The following CALN1 variants were observed in gnomAD, a reference collection of about 807,000 sequenced individuals.
The protein encoded by CALN1 is calcium-binding protein 8.
In CALN1, 17 loss-of-function variants were observed where a neutral mutation model predicts 30.6. The observed-to-expected ratio is 0.56, with a 90% confidence interval of 0.38 to 0.83. The LOEUF (loss-of-function observed/expected upper bound fraction) is 0.83, where lower values mean the gene tolerates loss of function less well. CALN1 is among the 40% of genes least tolerant of loss of function. The probability of loss-of-function intolerance (pLI) is 0.00; values close to 1 mark genes in which losing one functional copy is unlikely to be tolerated. For synonymous variants in CALN1, 156 were observed against 131.4 expected, an observed-to-expected ratio of 1.19 and a Z score of -1.28; for missense variants, 291 against 354.9, an observed-to-expected ratio of 0.82 and a Z score of 1.45.
At chr7:72,144,190 A>G (rs1457673607) in intron 3 of CALN1, among the ~76,000 whole-genome samples, 1 of 152,194 alleles carries the variant, frequency 6.6e-6, no homozygotes, top group Non-Finnish European at 1.5e-5. Flanking sequence ...CAAATTGGAT[A>G]AAGAGTCAAG....
chr7:72,405,430 G>A (rs1316180035), intron 1 of CALN1, among the ~76,000 whole-genome samples: 1 of 152,134 alleles, frequency 6.6e-6, no homozygotes, highest in African/African-American at 2.4e-5. Context: ...GGAAGGCAAA[G>A]GGCAAACAGG....
At chr7:71,907,788 G>A (rs897024645) in intron 5 of CALN1, among the ~76,000 whole-genome samples, 1 of 152,130 alleles carries the variant, frequency 6.6e-6, no homozygotes, top group Non-Finnish European at 1.5e-5. Context: ...TTCCCATTAC[G>A]CAGCTGGTAT....
At chr7:71,991,383 C>T (rs1798943719) in intron 5 of CALN1, among the ~76,000 whole-genome samples, 1 of 151,688 alleles carries the variant, frequency 6.6e-6, no homozygotes, top group South Asian at 2.1e-4. Flanking sequence ...CACTTGAACC[C>T]AGGAGGCAGA....
chr7:71,836,764 C>A (rs920569969), intron 5 of CALN1, among the ~76,000 whole-genome samples: 1 of 151,700 alleles, frequency 6.6e-6, no homozygotes, highest in Admixed American at 6.6e-5. Flanking sequence ...CTTACAGGCA[C>A]CCAACACCAC....
rs75350467 is a variant in CALN1, at chr7:72,399,981, C to T, written c.119+3270G>A. Among the ~76,000 whole-genome samples the T allele has an allele frequency of 2.4e-3, 371 of 152,302 alleles. 11 individuals are homozygous for T. The East Asian group carries it at 0.055, about 22-fold the overall frequency. On this transcript the variant is annotated intron_variant, in intron 2 of 6. Coordinates refer to ENST00000395275, the MANE Select transcript of CALN1 (RefSeq NM_031468.4). ...TCTCCATATGACATGCCTGCTCCCC[C>T]TTTGCGTTCCACTATGATTAGAACC...
At chr7:72,340,251 T>C (rs867433486) in intron 2 of CALN1, among the ~76,000 whole-genome samples, 5 of 152,152 alleles carry the variant, frequency 3.3e-5, no homozygotes, top group African/African-American at 9.7e-5. Context: ...ACTTATGACA[T>C]TTGTAGAGAT....
intron 3 of CALN1, among the ~76,000 whole-genome samples, chr7:72,231,285 A>G (rs981138078): frequency 2.0e-5 from 3 of 151,990 alleles, no homozygotes; most frequent in African/African-American, 7.3e-5. Flanking sequence ...TCCCTCCCCC[A>G]ACGCCCCTGT....
chr7:72,330,251 C>G (rs896865031), intron 2 of CALN1, among the ~76,000 whole-genome samples: 2 of 152,088 alleles, frequency 1.3e-5, no homozygotes, highest in African/African-American at 4.8e-5. Flanking sequence ...TGAGATCATG[C>G]CACTGCACTC....
chr7:72,346,013 T>C (rs1393440101), intron 2 of CALN1, among the ~76,000 whole-genome samples: 1 of 152,142 alleles, frequency 6.6e-6, no homozygotes, highest in Non-Finnish European at 1.5e-5. Flanking sequence ...AGATACTGGA[T>C]TTATATAAAA....
At chr7:72,088,567 C>T (rs982278777) in intron 4 of CALN1, among the ~76,000 whole-genome samples, 7 of 151,788 alleles carry the variant, frequency 4.6e-5, no homozygotes, top group Admixed American at 2.0e-4. Context: ...GGCATGGTGA[C>T]GCGTGCCTGT....
At chr7:72,007,643 A>C (rs1283427782) in intron 5 of CALN1, among the ~76,000 whole-genome samples, 2 of 152,184 alleles carry the variant, frequency 1.3e-5, no homozygotes, top group Middle Eastern at 3.2e-3. Context: ...CCTACCCCTT[A>C]CACTAAAATG....
At chr7:72,019,918 G>A (rs1392450183) in intron 5 of CALN1, among the ~76,000 whole-genome samples, 1 of 152,144 alleles carries the variant, frequency 6.6e-6, no homozygotes, top group African/African-American at 2.4e-5. Flanking sequence ...CTGTTTCCAC[G>A]GAAAACTGAC....
chr7:72,039,140 A>C (rs1415699469), intron 4 of CALN1, among the ~76,000 whole-genome samples: 2 of 152,216 alleles, frequency 1.3e-5, no homozygotes, highest in Non-Finnish European at 2.9e-5. Flanking sequence ...TATTTGAACC[A>C]TATGACTTTT....
intron 3 of CALN1, among the ~76,000 whole-genome samples, chr7:72,265,744 C>A (rs934983777): frequency 1.2e-4 from 19 of 152,068 alleles, no homozygotes; most frequent in African/African-American, 4.6e-4. Flanking sequence ...CAAGATACCA[C>A]CCTCTGCTTG....
At chr7:72,163,255 T>C (rs1352760445) in intron 3 of CALN1, among the ~76,000 whole-genome samples, 2 of 151,992 alleles carry the variant, frequency 1.3e-5, no homozygotes, top group Non-Finnish European at 2.9e-5. Flanking sequence ...TAAGAACAAA[T>C]TTCTATAAAG....
intron 5 of CALN1, among the ~76,000 whole-genome samples, chr7:71,926,948 C>T (rs150378898): frequency 6.1e-4 from 93 of 152,138 alleles, no homozygotes; most frequent in African/African-American, 2.1e-3. Flanking sequence ...TTAAATTTCC[C>T]GAGAGTTCAA....
At chr7:71,866,445 A>G (rs773719230) in intron 5 of CALN1, among the ~76,000 whole-genome samples, 1 of 151,960 alleles carries the variant, frequency 6.6e-6, no homozygotes, top group Non-Finnish European at 1.5e-5. Context: ...ACATTTCCCC[A>G]TTTTTGCTAT....
At chr7:71,864,959 C>T (rs563327944) in intron 5 of CALN1, among the ~76,000 whole-genome samples, 2 of 151,932 alleles carry the variant, frequency 1.3e-5, no homozygotes, top group South Asian at 4.2e-4. Context: ...GCCAAGATCA[C>T]GCCACTGCAC....
intron 2 of CALN1, among the ~76,000 whole-genome samples, chr7:72,341,083 G>A (rs901682240): frequency 6.6e-6 from 1 of 152,184 alleles, no homozygotes; most frequent in Non-Finnish European, 1.5e-5. Flanking sequence ...ACAATGGGTC[G>A]CAGGCAGATG....
Sources: gnomAD v4.1 joint callset for allele counts (sites outside exome capture counted in the v4.1 genomes callset) on GRCh38, gnomAD v4.1.1 for gene constraint, MANE v1.5 for transcripts, NCBI Gene and HGNC (gene_info 2026-07-23, HGNC 2026-07-21) for gene names.